The following CRPPA variants were observed in gnomAD, a reference collection of about 807,000 sequenced individuals.
CRPPA encodes the protein CDP-L-ribitol pyrophosphorylase A, also known as D-ribitol-5-phosphate cytidylyltransferase.
CRPPA carries 43 observed loss-of-function variants against 52.0 expected under a neutral mutation model. That is an observed-to-expected ratio of 0.83 (90% confidence interval 0.65 to 1.07). The LOEUF is 1.07. CRPPA is among the 50% of genes least tolerant of loss of function. The pLI is 0.00. For missense variants in CRPPA, 629 were observed against 551.7 expected (o/e 1.14, Z -1.40); for synonymous variants, 250 against 203.5 (o/e 1.23, Z -1.94).
chr7:16,221,114 A>C (rs1436809543), intron 8 of CRPPA, among the ~76,000 whole-genome samples: 1 of 152,244 alleles, frequency 6.6e-6, no homozygotes, highest in African/African-American at 2.4e-5. Context: ...TCAATGGAAC[A>C]GAACAGAGCC....
chr7:16,217,194 A>ACGG (rs1292638584), intron 8 of CRPPA, among the ~76,000 whole-genome samples: 3 of 144,142 alleles, frequency 2.1e-5, no homozygotes, highest in South Asian at 2.4e-4. Flanking sequence ...GACACCTCAC[A>ACGG]CGGCAGGGTA....
Position 16,091,372 on chromosome 7 carries a change from C to T in CRPPA, c.*323G>A. ...ACTGAAGTTTTCTAAATTCTCATTC[C>T]TTGAAAGAATAGCTCACCCCATCAT... On this transcript the variant is annotated 3_prime_UTR_variant, in exon 10 of 10. Coordinates refer to ENST00000407010, the MANE Select transcript of CRPPA (RefSeq NM_001101426.4). 1 of 195,796 alleles carries T rather than the reference C, an allele frequency of 5.1e-6. No homozygotes were observed. The allele number at this position is 195,796 out of a possible 1,614,324, so 12.1% of individuals were successfully genotyped here. A position where few individuals can be genotyped will look rare whatever the true frequency, so the allele number is the denominator to read the frequency against.
intron 8 of CRPPA, among the ~76,000 whole-genome samples, chr7:16,222,070 G>T (rs1468458017): frequency 6.7e-6 from 1 of 150,112 alleles, no homozygotes; most frequent in Non-Finnish European, 1.5e-5. Context: ...TGATAGACTG[G>T]ATTAAGAAAA....
intron 9 of CRPPA, among the ~76,000 whole-genome samples, chr7:16,122,611 T>C (rs1270090932): frequency 6.6e-6 from 1 of 152,090 alleles, no homozygotes; most frequent in Non-Finnish European, 1.5e-5. Flanking sequence ...TCAGATTTGT[T>C]TTGTTTTAAT....
rs1268711416 is a variant in CRPPA, at chr7:16,091,565, A to G, written c.*130T>C. 2 of 601,580 alleles carry G rather than the reference A, an allele frequency of 3.3e-6. No homozygotes were observed. Among genetic ancestry groups the G allele is most frequent in the Non-Finnish European group, 5.8e-6 (2 of 345,514 alleles). 37.3% of individuals were successfully genotyped at this position (601,580 alleles called of 1,614,324 possible). ...TAATCTGCTTTATAATCTAAGCATCACATCCTACAAATTATAGAGAAGATA... is the reference window on the plus strand; with the variant it reads ...TAATCTGCTTTATAATCTAAGCATCGCATCCTACAAATTATAGAGAAGATA... On this transcript the variant is annotated 3_prime_UTR_variant, in exon 10 of 10. Transcript: ENST00000407010.
intron 3 of CRPPA, among the ~76,000 whole-genome samples, chr7:16,362,953 A>T (rs932104185): frequency 1.3e-5 from 2 of 152,152 alleles, no homozygotes; most frequent in Non-Finnish European, 2.9e-5. Context: ...GATACGTCTT[A>T]ATTAAAACAT....
chr7:16,113,098 T>C (rs1782299585), intron 9 of CRPPA, among the ~76,000 whole-genome samples: 1 of 151,936 alleles, frequency 6.6e-6, no homozygotes, highest in African/African-American at 2.4e-5. Flanking sequence ...TCTCTCTCAA[T>C]GAGAGTCTTG....
chr7:16,225,018 A>T (rs1226679785), intron 8 of CRPPA, among the ~76,000 whole-genome samples: 3 of 152,134 alleles, frequency 2.0e-5, no homozygotes, highest in Non-Finnish European at 4.4e-5. Context: ...TCACAAAATA[A>T]AATACAGGCA....
intron 2 of CRPPA, among the ~76,000 whole-genome samples, chr7:16,376,790 G>A (rs978338981): frequency 6.6e-6 from 1 of 152,148 alleles, no homozygotes; most frequent in South Asian, 2.1e-4. Flanking sequence ...GCTTCCTCAG[G>A]CAATACCCAT....
intron 9 of CRPPA, among the ~76,000 whole-genome samples, chr7:16,192,204 A>G (rs1781629120): frequency 1.3e-5 from 2 of 152,014 alleles, no homozygotes; most frequent in South Asian, 4.1e-4. Context: ...AAGAGAACAG[A>G]GGCATCCTCT....
chr7:16,110,078 A>G (rs1388026793), intron 9 of CRPPA, among the ~76,000 whole-genome samples: 2 of 152,098 alleles, frequency 1.3e-5, no homozygotes, highest in Non-Finnish European at 2.9e-5. Context: ...ATACACATAT[A>G]CAGTAAGGTT....
At chr7:16,104,692 G>A (rs865924798) in intron 9 of CRPPA, among the ~76,000 whole-genome samples, 5 of 151,976 alleles carry the variant, frequency 3.3e-5, no homozygotes, top group African/African-American at 9.7e-5. Flanking sequence ...CGAGGTCAGG[G>A]GATCAAGACC....
At chr7:16,379,413 T>A (rs535793637) in intron 2 of CRPPA, among the ~76,000 whole-genome samples, 1 of 152,324 alleles carries the variant, frequency 6.6e-6, no homozygotes, top group South Asian at 2.1e-4. Flanking sequence ...TAGTTTGAAG[T>A]CAGGTAGTGT....
chr7:16,297,713 C>T (rs1784704020), intron 5 of CRPPA, among the ~76,000 whole-genome samples: 1 of 152,146 alleles, frequency 6.6e-6, no homozygotes, highest in Non-Finnish European at 1.5e-5. Flanking sequence ...GGCTTAGAAG[C>T]TCTATAGCCT....
At position 16,233,347 on chromosome 7, in the gene CRPPA, G is replaced by A. The variant is rs11978407; in HGVS notation, c.1120-17150C>T. 7.7e-3 allele frequency among the ~76,000 whole-genome samples: 1,170 copies of A among 152,088 alleles called. 17 individuals are homozygous for A. Among genetic ancestry groups the A allele is most frequent in the African/African-American group, 0.025 (1,044 of 41,514 alleles). On this transcript the variant is annotated intron_variant, in intron 8 of 9. Transcript: ENST00000407010. ...ATATCAACACATCTTAAGTATGCAC[G>A]CAAAAAAGAAAAATCTTAGGCAAAG...
intron 2 of CRPPA, among the ~76,000 whole-genome samples, chr7:16,387,057 A>G (rs1447408056): frequency 4.8e-5 from 4 of 82,724 alleles, no homozygotes; most frequent in African/African-American, 2.5e-4. Flanking sequence ...ATATATATAT[A>G]TATATATATA....
rs75578884 is a variant in CRPPA, at chr7:16,246,352, A to T, written c.1119+12038T>A. On this transcript the variant is annotated intron_variant, in intron 8 of 9. Coordinates refer to ENST00000407010, the MANE Select transcript of CRPPA (RefSeq NM_001101426.4). The stretch of plus-strand genomic sequence containing the variant: ...CAGACTCTACTTCTATTCTCTTGCT[A>T]TTGCCACCACATCAGCAGTTACTTC... Among the ~76,000 whole-genome samples, 957 of 152,220 alleles carry T rather than the reference A, an allele frequency of 6.3e-3. 16 individuals carry two copies. The highest frequency in any genetic ancestry group is 0.023 in the African/African-American group (939 of 41,536).
chr7:16,251,732 G>T (rs1262827559), intron 8 of CRPPA, among the ~76,000 whole-genome samples: 1 of 152,186 alleles, frequency 6.6e-6, no homozygotes, highest in African/African-American at 2.4e-5. Flanking sequence ...AAAGCAGTGT[G>T]TAGAGGGAAA....
chr7:16,416,355 C>T (rs189953681), intron 1 of CRPPA, among the ~76,000 whole-genome samples: 1 of 152,088 alleles, frequency 6.6e-6, no homozygotes, highest in Non-Finnish European at 1.5e-5. Context: ...TCTCACCATA[C>T]ACAAAAATTA....
Sources: gnomAD v4.1 joint callset for allele counts (sites outside exome capture counted in the v4.1 genomes callset) on GRCh38, gnomAD v4.1.1 for gene constraint, MANE v1.5 for transcripts, NCBI Gene and HGNC (gene_info 2026-07-23, HGNC 2026-07-21) for gene names.